MERTK: variants seen among roughly 807,000 people sequenced by gnomAD.
The protein encoded by MERTK is tyrosine-protein kinase Mer.
MERTK carries 69 observed loss-of-function variants against 99.3 expected under a neutral mutation model. The ratio of observed to expected loss-of-function variants is 0.70; its 90% CI spans 0.57 to 0.85. The LOEUF is 0.85. Ranked by LOEUF, MERTK falls within the 40% of genes least tolerant of loss-of-function variation. MERTK has a pLI of 0.00. For synonymous variants in MERTK, 426 were observed against 467.6 expected (o/e 0.91, Z 1.15); for missense variants, 1,125 against 1,249.4 (o/e 0.90, Z 1.50).
chr2:111,967,608 G>T (rs1685382292), intron 5 of MERTK, among the ~76,000 whole-genome samples: 1 of 151,964 alleles, frequency 6.6e-6, no homozygotes, highest in Non-Finnish European at 1.5e-5. Context: ...TGTTTCCTCG[G>T]CCTGGAAAGC....
intron 1 of MERTK, among the ~76,000 whole-genome samples, chr2:111,927,767 A>T (rs771901956): frequency 2.5e-4 from 38 of 152,252 alleles, no homozygotes; most frequent in Admixed American, 2.0e-3. Context: ...AGCAAAGAAC[A>T]CCCTACTCCC....
chr2:111,965,178 C>T lies in MERTK; in HGVS notation c.758-13C>T. ...TCTCTGCTGCTGGTCTCATGAGTCT[C>T]CTTCCATTCCAGGCCTGACGGAGAT... On this transcript the variant is annotated splice_polypyrimidine_tract_variant and intron_variant, in intron 4 of 18. Coordinates refer to ENST00000295408, the MANE Select transcript of MERTK (RefSeq NM_006343.3). The T allele has an allele frequency of 1.2e-6, 2 of 1,613,492 alleles. No homozygotes were observed. The highest frequency in any genetic ancestry group is 2.2e-5 in the East Asian group (1 of 44,890).
At chr2:111,947,624 G>A (rs1684984498) in intron 4 of MERTK, 57 bp downstream of exon 4, 36 of 1,601,630 alleles carry the variant, frequency 2.2e-5, no homozygotes, top group Middle Eastern at 2.2e-4. Flanking sequence ...AGGATCAAAA[G>A]TTTGGCGACC....
chr2:111,926,949 CTGTT>C (rs1391062744), intron 1 of MERTK, among the ~76,000 whole-genome samples: 1 of 152,220 alleles, frequency 6.6e-6, no homozygotes, highest in African/African-American at 2.4e-5. Context: ...TGGTCCCTGT[CTGTT>C]GTCATCCTGA....
intron 11 of MERTK, among the ~76,000 whole-genome samples, chr2:112,002,502 C>A (rs1025691869): frequency 1.3e-5 from 2 of 152,048 alleles, no homozygotes; most frequent in African/African-American, 4.8e-5. Flanking sequence ...GCAAACCACC[C>A]CTACATGAAT....
chr2:111,908,843 A>T (rs533270972), intron 1 of MERTK, among the ~76,000 whole-genome samples: 3 of 152,336 alleles, frequency 2.0e-5, no homozygotes, highest in African/African-American at 7.2e-5. Flanking sequence ...GGCAGAAAAA[A>T]GCAGAAGGGA....
intron 2 of MERTK, among the ~76,000 whole-genome samples, chr2:111,934,834 AG>A (rs1308328684): frequency 6.6e-6 from 1 of 152,074 alleles, no homozygotes; most frequent in African/African-American, 2.4e-5. Flanking sequence ...TTTCTTCTAG[AG>A]TTTATATGAT....
chr2:112,007,482 C>A (rs566130033), intron 13 of MERTK, among the ~76,000 whole-genome samples: 2 of 152,226 alleles, frequency 1.3e-5, no homozygotes, highest in East Asian at 3.9e-4. Flanking sequence ...CAAAACTGAA[C>A]CTCTACACCT....
chr2:111,913,523 G>C (rs1227788963), intron 1 of MERTK, among the ~76,000 whole-genome samples: 1 of 152,046 alleles, frequency 6.6e-6, no homozygotes, highest in East Asian at 1.9e-4. Context: ...CTTTTTTATA[G>C]ATTCCTTGGA....
At chr2:112,011,849 G>A (rs1468255009) in intron 15 of MERTK, among the ~76,000 whole-genome samples, 1 of 152,250 alleles carries the variant, frequency 6.6e-6, no homozygotes, top group East Asian at 1.9e-4. Flanking sequence ...ACACTGGAGG[G>A]AACATGACAG....
At chr2:111,991,648 G>C (rs928432421) in intron 8 of MERTK, among the ~76,000 whole-genome samples, 2 of 152,058 alleles carry the variant, frequency 1.3e-5, no homozygotes, top group Non-Finnish European at 2.9e-5. Context: ...AGTCCAGTGG[G>C]GTAGAAAAAC....
At chr2:111,981,200 C>CA (rs1268711228) in intron 7 of MERTK, among the ~76,000 whole-genome samples, 1 of 152,172 alleles carries the variant, frequency 6.6e-6, no homozygotes, top group Non-Finnish European at 1.5e-5. Flanking sequence ...AACCTCCCCT[C>CA]ATTCAACTAC....
rs777055175 is a variant in MERTK at position 111,994,248 on chromosome 2, C to T, written c.1297-3C>T. 1 of 1,613,798 alleles carries T rather than the reference C, an allele frequency of 6.2e-7. No individual in the cohort carries two copies. Among genetic ancestry groups the T allele is most frequent in the South Asian group, 1.1e-5 (1 of 91,068 alleles). ...CATTTCCTCTCTTCCTCTCTGTCTC[C>T]AGAAAGAGCTCTTGGAGGAAGTTGG... On this transcript the variant is annotated splice_polypyrimidine_tract_variant and splice_region_variant and intron_variant, in intron 8 of 18. Transcript: ENST00000295408.
intron 4 of MERTK, among the ~76,000 whole-genome samples, chr2:111,953,746 T>G (rs1361652868): frequency 6.6e-6 from 1 of 152,164 alleles, no homozygotes; most frequent in East Asian, 1.9e-4. Context: ...CGGCTCATTT[T>G]TGTATTTTTG....
chr2:111,917,661 C>T (rs973337852), intron 1 of MERTK, among the ~76,000 whole-genome samples: 17 of 151,988 alleles, frequency 1.1e-4, no homozygotes, highest in African/African-American at 2.4e-4. Flanking sequence ...CCGAGGTGGG[C>T]GGATCACAAG....
rs1263817488 is a variant in MERTK at position 111,954,395 on chromosome 2, TG to T, written c.757+6829del. ...TATATTCACAAGGCCTCTTCCCCAT[TG>T]CATTGAAGAACAAACCCTCTATCTA... On this transcript the variant is annotated intron_variant, in intron 4 of 18. Coordinates refer to ENST00000295408, the MANE Select transcript of MERTK (RefSeq NM_006343.3). Among the ~76,000 whole-genome samples the T allele has an allele frequency of 3.3e-5, 5 of 152,174 alleles. No homozygotes were observed. The South Asian group carries it at 8.3e-4, about 25-fold the overall frequency.
intron 1 of MERTK, among the ~76,000 whole-genome samples, chr2:111,918,215 G>A (rs1223389573): frequency 1.3e-5 from 2 of 152,182 alleles, no homozygotes; most frequent in Non-Finnish European, 2.9e-5. Context: ...CATCTAGTCT[G>A]TTTTTGGAGG....
rs931369957 is a variant in MERTK, at chr2:111,936,765, G to A, written c.482+7225G>A. On this transcript the variant is annotated intron_variant, in intron 2 of 18. Transcript: ENST00000295408. ...CCTCACCTGTATCCAATATCAGCTCGAAACTAGCATATCCGTTTGTCCAGG... is the reference window on the plus strand; with the variant it reads ...CCTCACCTGTATCCAATATCAGCTCAAAACTAGCATATCCGTTTGTCCAGG... Among the ~76,000 whole-genome samples, 11 of 152,274 alleles carry A rather than the reference G, an allele frequency of 7.2e-5. No individual in the cohort carries two copies. The South Asian group carries it at 8.3e-4, about 11-fold the overall frequency.
chr2:111,969,598 C>G (rs1431155362), intron 6 of MERTK, among the ~76,000 whole-genome samples: 1 of 152,060 alleles, frequency 6.6e-6, no homozygotes, highest in East Asian at 1.9e-4. Flanking sequence ...ACGCCTCCCA[C>G]TTTTATCTAA....
Sources: allele counts gnomAD v4.1 joint callset (sites outside exome capture counted in the v4.1 genomes callset), GRCh38; gene constraint gnomAD v4.1.1; transcripts MANE v1.5; gene names NCBI Gene and HGNC (gene_info 2026-07-23, HGNC 2026-07-21).